The following SREBF2 variants were observed in gnomAD, a reference collection of about 807,000 sequenced individuals.
SREBF2 encodes the protein sterol regulatory element binding transcription factor 2.
SREBF2 carries 55 observed loss-of-function variants against 113.1 expected under a neutral mutation model. The observed-to-expected ratio is 0.49, with a 90% CI of 0.39 to 0.61. The LOEUF (loss-of-function observed/expected upper bound fraction) is 0.61. Among genes scored for constraint, SREBF2 ranks in the 20% least tolerant of loss-of-function variants. The pLI is 0.00. For missense variants in SREBF2, 1,349 were observed against 1,487.4 expected (o/e 0.91, Z 1.53); for synonymous variants, 593 against 605.7 (o/e 0.98, Z 0.31).
At chr22:41,879,988 A>C (rs1175865574) in intron 9 of SREBF2, among the ~76,000 whole-genome samples, 1 of 152,202 alleles carries the variant, frequency 6.6e-6, no homozygotes, top group Non-Finnish European at 1.5e-5. Context: ...GCTTGAGCCC[A>C]GGAGTTCAAG....
chr22:41,880,211 A>G (rs1230407449), intron 9 of SREBF2, among the ~76,000 whole-genome samples: 1 of 152,134 alleles, frequency 6.6e-6, no homozygotes, highest in Non-Finnish European at 1.5e-5. Context: ...CTGAAAGCCT[A>G]AAGGATCATG....
intron 1 of SREBF2, among the ~76,000 whole-genome samples, chr22:41,858,684 C>T (rs2076998433): frequency 6.6e-6 from 1 of 151,982 alleles, no homozygotes; most frequent in African/African-American, 2.4e-5. Flanking sequence ...GAGGTAGAGG[C>T]CACAGTGAGC....
chr22:41,856,467 A>G (rs1360075735), intron 1 of SREBF2, among the ~76,000 whole-genome samples: 1 of 152,206 alleles, frequency 6.6e-6, no homozygotes, highest in Non-Finnish European at 1.5e-5. Context: ...AATTGAGTTC[A>G]AGAACTAAAA....
chr22:41,880,370 G>C (rs1389923902), intron 9 of SREBF2, among the ~76,000 whole-genome samples: 1 of 149,248 alleles, frequency 6.7e-6, no homozygotes, highest in East Asian at 1.9e-4. Flanking sequence ...TGACCAACAT[G>C]GTGAAACCCT....
chr22:41,842,426 C>T (rs907451715), intron 1 of SREBF2, among the ~76,000 whole-genome samples: 1 of 152,196 alleles, frequency 6.6e-6, no homozygotes, highest in African/African-American at 2.4e-5. Context: ...ACCAATGTAT[C>T]TTATAGATCA....
At chr22:41,878,495 A>T (rs2077217722) in intron 9 of SREBF2, among the ~76,000 whole-genome samples, 1 of 152,138 alleles carries the variant, frequency 6.6e-6, no homozygotes, top group Non-Finnish European at 1.5e-5. Flanking sequence ...AGTGTAGGTT[A>T]TGTCAGAGAG....
intron 16 of SREBF2, among the ~76,000 whole-genome samples, 156 bp downstream of exon 16, chr22:41,900,654 C>T (rs2077457984): frequency 2.0e-5 from 3 of 152,224 alleles, no homozygotes; most frequent in African/African-American, 7.2e-5. Flanking sequence ...GGCTTATTGG[C>T]CTAGGTGGAC....
intron 7 of SREBF2, 82 bp downstream of exon 7, chr22:41,875,806 G>T: frequency 2.7e-6 from 4 of 1,497,620 alleles, no homozygotes; most frequent in Non-Finnish European, 3.7e-6. Context: ...CAGTTATGAG[G>T]CCAGGCCGCA....
At chr22:41,869,459 G>C (rs1199338961) in intron 3 of SREBF2, among the ~76,000 whole-genome samples, 5 of 150,482 alleles carry the variant, frequency 3.3e-5, no homozygotes, top group Non-Finnish European at 7.4e-5. Flanking sequence ...TTGGGGGGAG[G>C]GGGGGCATGT....
intron 9 of SREBF2, among the ~76,000 whole-genome samples, chr22:41,879,041 A>G (rs2077222733): frequency 6.6e-6 from 1 of 152,098 alleles, no homozygotes; most frequent in African/African-American, 2.4e-5. Context: ...GCTCTTTTTT[A>G]AGTAAAGACA....
intron 1 of SREBF2, among the ~76,000 whole-genome samples, chr22:41,852,728 A>ATTTTTTTTTTTT (rs544824099): frequency 5.0e-5 from 2 of 40,400 alleles, no homozygotes; most frequent in African/African-American, 8.3e-5. Flanking sequence ...TCTCAGAATG[A>ATTTTTTTTTTTT]TTTTTTTTTT....
At chr22:41,875,193 C>T in intron 5 of SREBF2, 144 bp from the exon 6 acceptor site, 1 of 709,850 alleles carries the variant, frequency 1.4e-6, no homozygotes, top group Middle Eastern at 3.7e-4. Context: ...CCGAGTGGCA[C>T]AGCTAATCAT....
chr22:41,898,973 G>A, intron 15 of SREBF2, 192 bp downstream of exon 15: 1 of 817,184 alleles, frequency 1.2e-6, no homozygotes, highest in South Asian at 1.5e-5. Context: ...CTCTGTGCAA[G>A]TGTCCTGCTC....
At chr22:41,877,906 T>A in intron 8 of SREBF2, 36 bp from the exon 9 acceptor site, 1 of 1,613,652 alleles carries the variant, frequency 6.2e-7, no homozygotes, top group Non-Finnish European at 8.5e-7. Flanking sequence ...CCGCAAGGCC[T>A]TTCCTAGCAG....
At position 41,875,351 on chromosome 22, in the gene SREBF2, C is replaced by T. The variant is rs2148388950; in HGVS notation, c.1104C>T (p.Gly368=). The change falls in exon 6 of 19, where the codon GGC becomes GGT. Residue 368 remains glycine (G), a synonymous_variant. Coordinates refer to ENST00000361204, the MANE Select transcript of SREBF2 (RefSeq NM_004599.4). ...TTCCTACCCAGATGCACAAGTCTGG[C>T]GTTCTGAGGAAGGCCATTGATTACA... ...MGTDAKMHKS[G]VLRKAIDYIK... 3.1e-6 allele frequency: 5 copies of T among 1,613,878 alleles called. No homozygotes were observed. The highest frequency in any genetic ancestry group is 4.2e-6 in the Non-Finnish European group (5 of 1,179,786).
Position 41,905,967 on chromosome 22 carries a change from TTCTC to T in SREBF2, c.*312_*315del, listed in dbSNP as rs973938218. Reference sequence around the variant, plus strand: ...GCCCCTGCCTCCAGCCTTCCTGAGTTTCTCTCTCCTGAACCCTACTCTCTCCTTT... The same window carrying T: ...GCCCCTGCCTCCAGCCTTCCTGAGTTTCTCCTGAACCCTACTCTCTCCTTT... On this transcript the variant is annotated 3_prime_UTR_variant, in exon 19 of 19. Coordinates refer to ENST00000361204, the MANE Select transcript of SREBF2 (RefSeq NM_004599.4). 4 of 601,428 alleles carry T rather than the reference TTCTC, an allele frequency of 6.7e-6. No individual in the cohort carries two copies. Among genetic ancestry groups the T allele is most frequent in the African/African-American group, 5.4e-5 (3 of 55,162 alleles). The allele number at this position is 601,428 out of a possible 1,614,324, so 37.3% of individuals were successfully genotyped here.
At chr22:41,846,886 G>A (rs1307735180) in intron 1 of SREBF2, among the ~76,000 whole-genome samples, 2 of 152,126 alleles carry the variant, frequency 1.3e-5, no homozygotes, top group South Asian at 2.1e-4. Flanking sequence ...TTATGGAGTT[G>A]GTTAGGTTTC....
At chr22:41,874,697 G>T (rs961990076) in intron 5 of SREBF2, among the ~76,000 whole-genome samples, 1 of 152,182 alleles carries the variant, frequency 6.6e-6, no homozygotes, top group African/African-American at 2.4e-5. Flanking sequence ...CACGAGGCCA[G>T]GAGTTCAAGA....
chr22:41,878,184 C>T (rs567139383), intron 9 of SREBF2, 61 bp downstream of exon 9: 33 of 1,600,798 alleles, frequency 2.1e-5, no homozygotes, highest in African/African-American at 1.5e-4. Flanking sequence ...TTCAGCAACT[C>T]GTGTCAAAGA....
Sources: gnomAD v4.1 joint callset for allele counts (sites outside exome capture counted in the v4.1 genomes callset) on GRCh38, gnomAD v4.1.1 for gene constraint, MANE v1.5 for transcripts, NCBI Gene and HGNC (gene_info 2026-07-23, HGNC 2026-07-21) for gene names.